GRHL2: variants seen among roughly 807,000 people sequenced by gnomAD.
The protein encoded by GRHL2 is grainyhead-like protein 2 homolog.
A neutral mutation model predicts 83.8 loss-of-function variants in GRHL2; 21 were observed. The ratio of observed to expected loss-of-function variants is 0.25; its 90% CI spans 0.18 to 0.36. The LOEUF (loss-of-function observed/expected upper bound fraction) is 0.36. Ranked by LOEUF, GRHL2 falls within the 10% of genes least tolerant of loss-of-function variation. The pLI is 1.00. For synonymous variants in GRHL2, 280 were observed against 278.9 expected (o/e 1.00, Z -0.04); for missense variants, 623 against 781.8 (o/e 0.80, Z 2.42).
At chr8:101,498,797 C>G (rs745546733) in intron 1 of GRHL2, among the ~76,000 whole-genome samples, 2 of 152,036 alleles carry the variant, frequency 1.3e-5, no homozygotes, top group Non-Finnish European at 2.9e-5. Flanking sequence ...TGGATAAAGC[C>G]GGGCGTGGTG....
intron 13 of GRHL2, among the ~76,000 whole-genome samples, chr8:101,645,116 A>ATTTTTT (rs553249046): frequency 6.0e-5 from 7 of 117,354 alleles, no homozygotes; most frequent in African/African-American, 1.3e-4. Flanking sequence ...GCAGTACAGA[A>ATTTTTT]TTTTTTTTTT....
chr8:101,631,851 C>T (rs184482343), intron 10 of GRHL2, 127 bp downstream of exon 10: 2 of 787,854 alleles, frequency 2.5e-6, no homozygotes, highest in Admixed American at 4.0e-5. Context: ...TTGCTTTCCC[C>T]TGGCAGTGGA....
intron 8 of GRHL2, among the ~76,000 whole-genome samples, chr8:101,617,390 A>G (rs2130364507): frequency 6.6e-6 from 1 of 152,354 alleles, no homozygotes; most frequent in Admixed American, 6.5e-5. Context: ...AATGAGGTTT[A>G]TAGAGATGTA....
At chr8:101,639,057 C>G (rs1278202837) in intron 12 of GRHL2, among the ~76,000 whole-genome samples, 1 of 152,160 alleles carries the variant, frequency 6.6e-6, no homozygotes, top group Non-Finnish European at 1.5e-5. Flanking sequence ...GTGAGAAGGG[C>G]CTGAGATCCT....
chr8:101,574,748 C>T (rs906711414), intron 6 of GRHL2, among the ~76,000 whole-genome samples: 1 of 152,208 alleles, frequency 6.6e-6, no homozygotes, highest in African/African-American at 2.4e-5. Flanking sequence ...TTAGTAAATT[C>T]TAATGCTGTG....
intron 14 of GRHL2, among the ~76,000 whole-genome samples, chr8:101,656,869 A>ACACACACACACACAC (rs1813799855): frequency 7.2e-5 from 4 of 55,360 alleles, no homozygotes; most frequent in Non-Finnish European, 9.8e-5. Flanking sequence ...TTATGTGTCT[A>ACACACACACACACAC]ACAGACACAC....
chr8:101,565,739 C>T (rs7841541), intron 4 of GRHL2, among the ~76,000 whole-genome samples: 6,388 of 152,146 alleles, frequency 0.042, 415 homozygotes, highest in African/African-American at 0.15. Context: ...GCAAGAGGGC[C>T]GAGAAGTTTA....
chr8:101,593,831 C>G (rs557549262), intron 7 of GRHL2, among the ~76,000 whole-genome samples: 1 of 151,582 alleles, frequency 6.6e-6, no homozygotes, highest in Non-Finnish European at 1.5e-5. Flanking sequence ...TTTGGGAGAC[C>G]GAGGCAGGTG....
intron 4 of GRHL2, chr8:101,562,078 AG>A (rs1193923930): frequency 5.8e-6 from 4 of 693,698 alleles, no homozygotes; most frequent in African/African-American, 1.7e-5. Context: ...TTTGCCTGCA[AG>A]GGGGGCTCAG....
chr8:101,634,543 G>A (rs543010586), intron 11 of GRHL2, among the ~76,000 whole-genome samples: 20 of 152,150 alleles, frequency 1.3e-4, no homozygotes, highest in Non-Finnish European at 2.6e-4. Context: ...CCCTTAAGTG[G>A]GTAGAAAGAG....
chr8:101,587,852 T>C (rs1304657915), intron 7 of GRHL2, among the ~76,000 whole-genome samples: 1 of 152,350 alleles, frequency 6.6e-6, no homozygotes, highest in Admixed American at 6.5e-5. Flanking sequence ...TAGAAGTTTC[T>C]CTCCCTGTGG....
intron 7 of GRHL2, among the ~76,000 whole-genome samples, chr8:101,590,355 T>C (rs1812254253): frequency 1.3e-5 from 2 of 152,230 alleles, no homozygotes; most frequent in Non-Finnish European, 2.9e-5. Flanking sequence ...CTAGGGTTCA[T>C]TTATTCTGCC....
the GRHL2 span, among the ~76,000 whole-genome samples, chr8:101,676,467 A>T: frequency 6.6e-5 from 10 of 150,480 alleles, no homozygotes; most frequent in Non-Finnish European, 5.9e-5. Flanking sequence ...AAAATGCTCA[A>T]CATCACTGGC....
the GRHL2 span, among the ~76,000 whole-genome samples, chr8:101,676,865 G>A: frequency 1.1e-4 from 17 of 152,084 alleles, no homozygotes; most frequent in South Asian, 2.1e-4. Flanking sequence ...TATACACCAT[G>A]GAATACTATG....
At chr8:101,627,986 G>T (rs1478909224) in intron 9 of GRHL2, among the ~76,000 whole-genome samples, 3 of 152,148 alleles carry the variant, frequency 2.0e-5, no homozygotes, top group African/African-American at 7.2e-5. Flanking sequence ...TTCAAGCAAA[G>T]AAACCATCTC....
chr8:101,565,796 T>C (rs1811705736), intron 4 of GRHL2, among the ~76,000 whole-genome samples: 1 of 152,220 alleles, frequency 6.6e-6, no homozygotes, highest in South Asian at 2.1e-4. Context: ...AGAAGAACTA[T>C]TTATAAGTGA....
chr8:101,678,037 A>G, the GRHL2 span, among the ~76,000 whole-genome samples: 3 of 152,166 alleles, frequency 2.0e-5, no homozygotes, highest in Non-Finnish European at 2.9e-5. Flanking sequence ...AAATTTCAGT[A>G]AAGTGTTCAG....
chr8:101,502,601 CCA>C (rs1309455791), intron 1 of GRHL2, among the ~76,000 whole-genome samples: 2 of 152,160 alleles, frequency 1.3e-5, no homozygotes, highest in Non-Finnish European at 2.9e-5. Flanking sequence ...GAACTTCTTC[CCA>C]GAGACAGCCC....
At chr8:101,511,112 AT>A (rs965632345) in intron 1 of GRHL2, among the ~76,000 whole-genome samples, 15 of 140,488 alleles carry the variant, frequency 1.1e-4, no homozygotes, top group Non-Finnish European at 1.8e-4. Flanking sequence ...AAAAAAAAAA[AT>A]TTTTTTTCAC....
Sources: allele counts gnomAD v4.1 joint callset (sites outside exome capture counted in the v4.1 genomes callset), GRCh38; gene constraint gnomAD v4.1.1; transcripts MANE v1.5; gene names NCBI Gene and HGNC (gene_info 2026-07-23, HGNC 2026-07-21).